SLC6A12: variants seen among roughly 807,000 people sequenced by gnomAD.
The protein encoded by SLC6A12 is solute carrier family 6 member 12, also known as sodium- and chloride-dependent betaine transporter.
Under a neutral mutation model 73.3 loss-of-function variants are expected in SLC6A12, and 50 were observed. That is an observed-to-expected ratio of 0.68 (90% CI 0.54 to 0.86). The LOEUF (loss-of-function observed/expected upper bound fraction) is 0.86. Ranked by LOEUF, SLC6A12 falls within the 40% of genes least tolerant of loss-of-function variation. The pLI, the probability that SLC6A12 is intolerant of heterozygous loss-of-function variation, is 0.00. For missense variants in SLC6A12, 648 were observed against 772.8 expected (o/e 0.84, Z 1.92); for synonymous variants, 304 against 309.2 (o/e 0.98, Z 0.18).
rs769827943 is a variant in SLC6A12 at position 196,793 on chromosome 12, T to A, written c.1165A>T (p.Ile389Leu). 1 of 1,613,372 alleles carries A rather than the reference T, an allele frequency of 6.2e-7. No individual in the cohort carries two copies. The highest frequency in any genetic ancestry group is 1.1e-5 in the South Asian group (1 of 91,068). The change falls in exon 11 of 16, where the codon ATA becomes TTA. Residue 389 changes from isoleucine to leucine, a missense_variant. Coordinates refer to ENST00000684302, the MANE Select transcript of SLC6A12 (RefSeq NM_001122848.3). ...ACCTGGCTGTCCAGCCCTAGGAATATGAGCATGATAAAGAACAGGCAGGAC... is the reference window on the plus strand; with the variant it reads ...ACCTGGCTGTCCAGCCCTAGGAATAAGAGCATGATAAAGAACAGGCAGGAC... ...LWSCLFFIML[I>L]FLGLDSQFVC...
Position 198,057 on chromosome 12 carries a change from G to A in SLC6A12, c.847-54C>T, listed in dbSNP as rs1297657266. ...GGCAGCCCCCAGGGCCCAGAGCCAG[G>A]GTGACCCGAGATCCAGACCCGTCCC... On this transcript the variant is annotated intron_variant, in intron 8 of 15. Coordinates refer to ENST00000684302, the MANE Select transcript of SLC6A12 (RefSeq NM_001122848.3). The surrounding 1 kb of genome is among the most constrained non-coding windows in gnomAD (Gnocchi z 4.0). 1.3e-5 allele frequency: 19 copies of A among 1,472,952 alleles called. No individual in the cohort carries two copies. The highest frequency in any genetic ancestry group is 2.3e-5 in the South Asian group (2 of 87,608). The allele number at this position is 1,472,952 out of a possible 1,614,324, so 91.2% of individuals were successfully genotyped here.
Position 190,782 on chromosome 12 carries a change from GGC to G in SLC6A12, c.*284_*285del, listed in dbSNP as rs770914317. On this transcript the variant is annotated 3_prime_UTR_variant, in exon 16 of 16. Transcript: ENST00000684302. ...ATAACTCGAGGTGTTGCAATCAGAT[GGC>G]GGCCTCCAAAAAGACCCCCCTTTAT... 7.8e-6 allele frequency: 2 copies of G among 256,156 alleles called. No individual in the cohort carries two copies. Among genetic ancestry groups the G allele is most frequent in the Non-Finnish European group, 1.5e-5 (2 of 135,716 alleles). 15.9% of individuals were successfully genotyped at this position (256,156 alleles called of 1,614,324 possible). A position where few individuals can be genotyped will look rare whatever the true frequency, so the allele number is the denominator to read the frequency against.
intron 5 of SLC6A12, 80 bp downstream of exon 5, chr12:202,660 C>A (rs1205966012): frequency 1.4e-6 from 2 of 1,451,226 alleles, no homozygotes; most frequent in Non-Finnish European, 1.9e-6. Context: ...CACTTATACT[C>A]CCCGTCGTTG....
rs1357776700 is a variant in SLC6A12 at position 209,892 on chromosome 12, T to G, written c.95A>C (p.Gln32Pro). 1 of 1,614,080 alleles carries G rather than the reference T, an allele frequency of 6.2e-7. No individual in the cohort carries two copies. The highest frequency in any genetic ancestry group is 8.5e-7 in the Non-Finnish European group (1 of 1,180,040). Residue 32 changes from glutamine (Q) to proline (P), a missense_variant, in exon 3 of 16, where the codon CAG becomes CCG. By Grantham distance (76) the Gln-to-Pro change is moderately conservative. Transcript: ENST00000684302. ...GEKLDQEDEDQVKDRGQWTNK... is the reference protein window; with the variant it reads ...GEKLDQEDEDPVKDRGQWTNK... ...GGTCCATTGGCCCCGATCCTTCACCTGGTCCTCGTCTTCCTGGTCCAACTT... is the reference window on the plus strand; with the variant it reads ...GGTCCATTGGCCCCGATCCTTCACCGGGTCCTCGTCTTCCTGGTCCAACTT...
chr12:191,334 T>C (rs10128942), intron 15 of SLC6A12, 123 bp from the exon 16 acceptor site: 63,445 of 765,442 alleles, frequency 0.083, 4,956 homozygotes, highest in African/African-American at 0.32. Context: ...ACAGTATGAG[T>C]GAGTCAATGA....
chr12:200,263 C>T lies in SLC6A12; in HGVS notation c.711+388G>A, dbSNP rs372989306. On this transcript the variant is annotated intron_variant, in intron 7 of 15. Coordinates refer to ENST00000684302, the MANE Select transcript of SLC6A12 (RefSeq NM_001122848.3). ...AGCTGGGACTACAGGTGCCCACCAC[C>T]ACGCCCGGCTAATTTTTTGTATTTT... Among the ~76,000 whole-genome samples the T allele has an allele frequency of 2.3e-4, 35 of 151,134 alleles. 1 individual carries two copies. Among genetic ancestry groups the T allele is most frequent in the East Asian group, 7.7e-4 (4 of 5,168 alleles).
intron 6 of SLC6A12, 118 bp downstream of exon 6, chr12:201,644 G>T (rs1565473476): frequency 2.6e-6 from 2 of 774,122 alleles, no homozygotes; most frequent in Non-Finnish European, 4.5e-6. Flanking sequence ...GTGGGGCGGG[G>T]GAGGAAGTGC....
chr12:184,546 C>T, the SLC6A12 span, among the ~76,000 whole-genome samples: 19 of 152,174 alleles, frequency 1.2e-4, no homozygotes, highest in Non-Finnish European at 1.8e-4. Flanking sequence ...GTCAGGAGAT[C>T]GAGACCATCC....
chr12:193,474 A>C, intron 13 of SLC6A12, 97 bp from the exon 14 acceptor site: 1 of 851,692 alleles, frequency 1.2e-6, no homozygotes, highest in South Asian at 1.5e-5. Flanking sequence ...CCCTTCCCTC[A>C]CCCCCGCCCT....
At position 196,880 on chromosome 12, in the gene SLC6A12, G is replaced by T; in HGVS notation, c.1078C>A (p.Pro360Thr). The T allele has an allele frequency of 6.2e-7, 1 of 1,612,108 alleles. No individual in the cohort carries two copies. The highest frequency in any genetic ancestry group is 8.5e-7 in the Non-Finnish European group (1 of 1,178,520). Reference sequence around the variant, plus strand: ...GGGAAGGCGATGAAGGCCAGCCCAGGACCTGCCAGGTACACAGCACAGTCA... The same window carrying T: ...GGGAAGGCGATGAAGGCCAGCCCAGTACCTGCCAGGTACACAGCACAGTCA... ...VPISEVAESG[P>T]GLAFIAFPKA... Residue 360 changes from proline to threonine, a missense_variant and splice_region_variant, in exon 11 of 16, where the codon CCT becomes ACT. Physicochemically the swap from Pro to Thr is conservative, Grantham distance 38. Coordinates refer to ENST00000684302, the MANE Select transcript of SLC6A12 (RefSeq NM_001122848.3).
the SLC6A12 span, among the ~76,000 whole-genome samples, chr12:184,199 AAAC>A: frequency 2.0e-5 from 3 of 152,212 alleles, no homozygotes; most frequent in African/African-American, 7.2e-5. Flanking sequence ...TAAAGGAGAA[AAAC>A]AATATAATTA....
At chr12:211,184 C>A (rs1038139030) in intron 2 of SLC6A12, 2 of 152,220 alleles carry the variant, frequency 1.3e-5, no homozygotes, top group African/African-American at 4.8e-5. Flanking sequence ...CCAAGTGCCC[C>A]ACGCTCCTCC....
chr12:209,249 G>A (rs140740450), intron 3 of SLC6A12, among the ~76,000 whole-genome samples: 143 of 152,178 alleles, frequency 9.4e-4, no homozygotes, highest in Middle Eastern at 3.4e-3. Context: ...CCCTCTGCAC[G>A]CCTAGCATTC....
In SLC6A12 at chr12:198,916, C is replaced by A; in HGVS notation, c.727G>T (p.Ala243Ser). The A allele has an allele frequency of 6.2e-7, 1 of 1,614,178 alleles. No individual in the cohort carries two copies. The highest frequency in any genetic ancestry group is 2.2e-5 in the East Asian group (1 of 44,880). Reference protein sequence around the residue: ...KSTGKVVYFTATFPYLMLVIL... With the variant: ...KSTGKVVYFTSTFPYLMLVIL... ...ACAAGCATCAGGTACGGAAACGTGG[C>A]TGTGAAATAAACCACCTGGAGGTGG... The change falls in exon 8 of 16, where the codon GCC (alanine) becomes TCC (serine). Residue 243 changes from alanine to serine, a missense_variant. Coordinates refer to ENST00000684302, the MANE Select transcript of SLC6A12 (RefSeq NM_001122848.3). The surrounding 1 kb of genome is among the most constrained non-coding windows in gnomAD (Gnocchi z 4.0).
downstream of SLC6A12, among the ~76,000 whole-genome samples, chr12:187,449 G>T (rs116902454): frequency 4.3e-4 from 65 of 151,698 alleles, 1 homozygote; most frequent in East Asian, 5.0e-3. Flanking sequence ...GGCGCGTCTG[G>T]AGTTTTTTTT....
chr12:185,927 C>T (rs1198982233), downstream of SLC6A12, among the ~76,000 whole-genome samples: 3 of 152,236 alleles, frequency 2.0e-5, 1 homozygote, highest in Non-Finnish European at 4.4e-5. Flanking sequence ...CTTCTCATCC[C>T]TGTTAGATCC....
intron 14 of SLC6A12, 32 bp downstream of exon 14, chr12:193,245 A>C (rs1939696579): frequency 1.4e-6 from 2 of 1,478,106 alleles, no homozygotes; most frequent in African/African-American, 2.8e-5. Context: ...TGGGGGCAGG[A>C]AGGAATAGAG....
intron 15 of SLC6A12, 129 bp from the exon 16 acceptor site, chr12:191,340 A>T: frequency 1.4e-6 from 1 of 721,618 alleles, no homozygotes; most frequent in Non-Finnish European, 1.9e-6. Flanking sequence ...TGAGTGAGTC[A>T]ATGAATGAAC....
chr12:188,859 C>T (rs78127810), downstream of SLC6A12, among the ~76,000 whole-genome samples: 42 of 152,260 alleles, frequency 2.8e-4, 1 homozygote, highest in South Asian at 8.3e-3. Flanking sequence ...CCCGCACCCC[C>T]CTCCCCGTTC....
Sources: allele counts gnomAD v4.1 joint callset (sites outside exome capture counted in the v4.1 genomes callset), GRCh38; gene constraint gnomAD v4.1.1; non-coding constraint Gnocchi (gnomAD v3.1); transcripts MANE v1.5; gene names NCBI Gene and HGNC (gene_info 2026-07-23, HGNC 2026-07-21).